Variants in NMS observed in about 807,000 individuals in gnomAD.
NMS encodes the protein neuromedin S.
A neutral mutation model predicts 32.2 loss-of-function variants in NMS; 30 were observed. The ratio of observed to expected loss-of-function variants is 0.93; its 90% CI spans 0.70 to 1.26. NMS has a LOEUF of 1.26. NMS is among the 50% of genes most tolerant of loss of function. The pLI is 0.00. For synonymous variants in NMS, 76 were observed against 58.5 expected, an observed-to-expected ratio of 1.30 and a Z score of -1.37; for missense variants, 190 against 186.3, an observed-to-expected ratio of 1.02 and a Z score of -0.12.
rs1047677455 is a variant in NMS, at chr2:100,481,110, T to G, written c.373-16T>G. ...CAATATGGTTGCATAATGGCTTGTG[T>G]TTCTATATGTTGCAGGATCACACTG... is the stretch of plus-strand genomic sequence containing the variant. On this transcript the variant is annotated splice_polypyrimidine_tract_variant and intron_variant, in intron 7 of 9. Coordinates refer to ENST00000376865, the MANE Select transcript of NMS (RefSeq NM_001011717.1). 4 of 1,613,830 alleles carry G rather than the reference T, an allele frequency of 2.5e-6. No homozygotes were observed. The highest frequency in any genetic ancestry group is 2.7e-5 in the African/African-American group (2 of 74,896).
intron 2 of NMS, 42 bp from the exon 3 acceptor site, chr2:100,473,447 C>T (rs1002435226): frequency 1.7e-6 from 2 of 1,204,146 alleles, no homozygotes; most frequent in South Asian, 1.8e-5. Context: ...TCTCTTCATC[C>T]CCCTCATCCC....
In NMS at chr2:100,470,562, C is replaced by T; in HGVS notation, c.74C>T (p.Ser25Leu). 2 of 1,612,440 alleles carry T rather than the reference C, an allele frequency of 1.2e-6. No individual in the cohort carries two copies. The highest frequency in any genetic ancestry group is 1.1e-5 in the South Asian group (1 of 91,024). ...YCFCMLQIPS[S>L]GFPQPLADPS... The stretch of plus-strand genomic sequence containing the variant: ...TTCTGCATGCTACAGATTCCCTCCT[C>T]AGGTAAGGGGAGCTTCCTCAGACTC... The change falls in exon 1 of 10, where the codon TCA becomes TTA. Residue 25 changes from serine to leucine, a missense_variant and splice_region_variant. Ser to Leu is a moderately radical substitution (Grantham distance 145). Transcript: ENST00000376865.
intron 8 of NMS, among the ~76,000 whole-genome samples, 154 bp downstream of exon 8, chr2:100,481,321 T>TA (rs1490757222): frequency 2.0e-5 from 3 of 152,128 alleles, no homozygotes; most frequent in African/African-American, 7.2e-5. Flanking sequence ...TCACTCCAAG[T>TA]AAAAATCTCC....
Position 100,472,806 on chromosome 2 carries a change from C to A in NMS, c.88C>A (p.Pro30Thr). 1.9e-6 allele frequency: 3 copies of A among 1,607,124 alleles called. No individual in the cohort carries two copies. The highest frequency in any genetic ancestry group is 8.5e-7 in the Non-Finnish European group (1 of 1,174,040). Residue 30 changes from proline to threonine, a missense_variant, in exon 2 of 10, where the codon CCT becomes ACT. Physicochemically the swap from Pro to Thr is conservative, Grantham distance 38 (BLOSUM62 -1). Transcript: ENST00000376865. ...ATTTCTCACAATAGGATTTCCTCAA[C>A]CTTTAGCTGATCCTTCAGATGGCTT... is the stretch of plus-strand genomic sequence containing the variant. ...LQIPSSGFPQ[P>T]LADPSDGLDI...
intron 3 of NMS, 55 bp from the exon 4 acceptor site, chr2:100,477,189 C>A: frequency 6.7e-7 from 1 of 1,482,826 alleles, no homozygotes; most frequent in East Asian, 2.3e-5. Flanking sequence ...AAACGTTATC[C>A]GTTACCTGCC....
intron 1 of NMS, among the ~76,000 whole-genome samples, chr2:100,472,544 T>C (rs1034519843): frequency 2.0e-5 from 3 of 152,248 alleles, no homozygotes; most frequent in African/African-American, 7.2e-5. Flanking sequence ...TCATGGTAAA[T>C]TAACAACCAT....
chr2:100,480,661 C>T (rs1203708354), intron 7 of NMS, 130 bp downstream of exon 7: 2 of 850,194 alleles, frequency 2.4e-6, no homozygotes, highest in East Asian at 2.6e-5. Context: ...TCCAAAGGAC[C>T]CTGAGAATCT....
intron 2 of NMS, 62 bp from the exon 3 acceptor site, chr2:100,473,427 A>T: frequency 1.1e-6 from 1 of 915,790 alleles, no homozygotes; most frequent in Non-Finnish European, 1.6e-6. Flanking sequence ...ATTACCCATT[A>T]ATCAATCTCT....
intron 3 of NMS, among the ~76,000 whole-genome samples, chr2:100,475,836 T>C (rs1228603964): frequency 6.6e-6 from 1 of 151,698 alleles, no homozygotes; most frequent in Non-Finnish European, 1.5e-5. Context: ...CCGTCTCTAC[T>C]AAAAATACAA....
chr2:100,475,760 G>A (rs556465855), intron 3 of NMS, among the ~76,000 whole-genome samples: 10 of 152,132 alleles, frequency 6.6e-5, no homozygotes, highest in Non-Finnish European at 1.3e-4. Flanking sequence ...AGAACTTTGG[G>A]AGGCTGAGAC....
In NMS at chr2:100,473,527, T is replaced by C; in HGVS notation, c.171T>C (p.Ser57=). 1 of 1,460,664 alleles carries C rather than the reference T, an allele frequency of 6.8e-7. No individual in the cohort carries two copies. The highest frequency in any genetic ancestry group is 1.6e-5 in the South Asian group (1 of 63,548). 90.5% of individuals were successfully genotyped at this position (1,460,664 alleles called of 1,614,324 possible). A position where few individuals can be genotyped will look rare whatever the true frequency, so the allele number is the denominator to read the frequency against. Residue 57 remains serine (S), a synonymous_variant, in exon 3 of 10, where the codon TCT becomes TCC. Coordinates refer to ENST00000376865, the MANE Select transcript of NMS (RefSeq NM_001011717.1). ...AYCLSQWAPL[S]RQPKDNQDIY... is the part of the protein sequence containing the mutation. ...GTCTGAGTCAGTGGGCACCTCTTTC[T>C]CGCCAACCTAAGGTAAAAAAATGTG... is the stretch of plus-strand genomic sequence containing the variant.
At chr2:100,473,605 G>A (rs1677048325) in intron 3 of NMS, 66 bp downstream of exon 3, 1 of 539,510 alleles carries the variant, frequency 1.9e-6, no homozygotes, top group Non-Finnish European at 2.8e-6. Context: ...ACACTCTTTT[G>A]CTACCTACAG....
intron 6 of NMS, 38 bp from the exon 7 acceptor site, chr2:100,480,458 G>T (rs758491716): frequency 6.8e-6 from 11 of 1,609,096 alleles, no homozygotes; most frequent in Admixed American, 5.0e-5. Flanking sequence ...TCATGATGTG[G>T]TTCCTGTTGA....
rs746977399 is a variant in NMS at position 100,479,396 on chromosome 2, C to T, written c.305C>T (p.Ala102Val). 31 of 1,611,184 alleles carry T rather than the reference C, an allele frequency of 1.9e-5. No individual in the cohort carries two copies. The highest frequency in any genetic ancestry group is 2.2e-5 in the Non-Finnish European group (26 of 1,178,784). The change falls in exon 6 of 10, where the codon GCC becomes GTC. Residue 102 changes from alanine (A) to valine (V), a missense_variant. Transcript: ENST00000376865. ...CTAATGCACCTGGCTGCCAAGCTCGCCAACAGGCGGATGAAGAGAATTCTG... is the reference window on the plus strand; with the variant it reads ...CTAATGCACCTGGCTGCCAAGCTCGTCAACAGGCGGATGAAGAGAATTCTG... Reference protein sequence around the residue: ...HPLMHLAAKLANRRMKRILQR... With the variant: ...HPLMHLAAKLVNRRMKRILQR...
intron 7 of NMS, among the ~76,000 whole-genome samples, chr2:100,480,848 T>C (rs1485022244): frequency 2.0e-5 from 3 of 152,152 alleles, no homozygotes; most frequent in South Asian, 4.1e-4. Context: ...CAGACTCCAA[T>C]AGAGGTACTG....
chr2:100,475,134 AT>A (rs1209805122), intron 3 of NMS, among the ~76,000 whole-genome samples: 3 of 152,168 alleles, frequency 2.0e-5, no homozygotes, highest in Non-Finnish European at 4.4e-5. Flanking sequence ...AGTCTATCCC[AT>A]TCATTGTTTC....
At chr2:100,471,611 C>T (rs1677007648) in intron 1 of NMS, among the ~76,000 whole-genome samples, 1 of 152,102 alleles carries the variant, frequency 6.6e-6, no homozygotes, top group African/African-American at 2.4e-5. Flanking sequence ...TGTTTATACT[C>T]ACCTCCCTAT....
At chr2:100,473,980 C>G (rs1573234127) in intron 3 of NMS, among the ~76,000 whole-genome samples, 1 of 152,042 alleles carries the variant, frequency 6.6e-6, no homozygotes, top group East Asian at 1.9e-4. Flanking sequence ...GAGCTTGAGT[C>G]CAGCCTGGCC....
In NMS at chr2:100,472,369, G is replaced by C. The variant is rs551387316; in HGVS notation, c.77-426G>C. ...AGAGTCTGTAGCAGCAGAGAGACGG[G>C]TATCCATGTGTCTTCAAAGTTCAAA... On this transcript the variant is annotated intron_variant, in intron 1 of 9. Transcript: ENST00000376865. Among the ~76,000 whole-genome samples, 5 of 152,304 alleles carry C rather than the reference G, an allele frequency of 3.3e-5. No homozygotes were observed. In the East Asian group the frequency reaches 9.6e-4, roughly 29 times the overall value.
Sources: allele counts gnomAD v4.1 joint callset (sites outside exome capture counted in the v4.1 genomes callset), GRCh38; gene constraint gnomAD v4.1.1; transcripts MANE v1.5; gene names NCBI Gene and HGNC (gene_info 2026-07-23, HGNC 2026-07-21).